TOP1: variants seen among roughly 807,000 people sequenced by gnomAD.
TOP1 encodes the protein DNA topoisomerase I.
Under a neutral mutation model 111.1 loss-of-function variants are expected in TOP1, and 10 were observed. That is an observed-to-expected ratio of 0.09 (90% CI 0.06 to 0.15). TOP1 has a LOEUF of 0.15. Ranked by LOEUF, TOP1 falls within the 10% of genes least tolerant of loss-of-function variation. The pLI, the probability that TOP1 is intolerant of heterozygous loss-of-function variation, is 1.00. For missense variants in TOP1, 474 were observed against 926.7 expected (o/e 0.51, Z 6.34); for synonymous variants, 271 against 302.9 (o/e 0.89, Z 1.10).
rs778237366 is a variant in TOP1, at chr20:41,076,281, G to A, written c.266G>A (p.Arg89Gln). 10 of 1,608,736 alleles carry A rather than the reference G, an allele frequency of 6.2e-6. No individual in the cohort carries two copies. Among genetic ancestry groups the A allele is most frequent in the Non-Finnish European group, 7.6e-6 (9 of 1,178,084 alleles). The change falls in exon 4 of 21, where the codon CGA becomes CAA. Residue 89 changes from arginine to glutamine, a missense_variant. Physicochemically the swap from Arg to Gln is conservative, Grantham distance 43. Around this residue, in one of 14 missense-constraint regions of TOP1, gnomAD observed 185 missense variants for 226.3 expected, o/e 0.82. Coordinates refer to ENST00000361337, the MANE Select transcript of TOP1 (RefSeq NM_003286.4). ...DKHKDRDKEK[R>Q]KEEKVRASGD... ...CATAAAGACAGAGACAAGGAAAAACGAAAAGAGGAAAAGGTACAGAGTTTT... is the reference window on the plus strand; with the variant it reads ...CATAAAGACAGAGACAAGGAAAAACAAAAAGAGGAAAAGGTACAGAGTTTT...
rs2033338205 is a variant in TOP1 at position 41,046,648 on chromosome 20, G to A, written c.59-14746G>A. Reference sequence around the variant, plus strand: ...CTTGTGCTTGGACCCAGTTGTTCCAGAAATCAGTAAAACCTATTTGAGTAT... The same window carrying A: ...CTTGTGCTTGGACCCAGTTGTTCCAAAAATCAGTAAAACCTATTTGAGTAT... On this transcript the variant is annotated intron_variant, in intron 2 of 20. Coordinates refer to ENST00000361337, the MANE Select transcript of TOP1 (RefSeq NM_003286.4). The surrounding 1 kb of genome is among the most constrained non-coding windows in gnomAD (Gnocchi z 4.3). Among the ~76,000 whole-genome samples, 1 of 152,196 alleles carries A rather than the reference G, an allele frequency of 6.6e-6. No individual in the cohort carries two copies. Among genetic ancestry groups the A allele is most frequent in the Non-Finnish European group, 1.5e-5 (1 of 68,034 alleles).
chr20:41,122,729 G>C lies in TOP1; in HGVS notation c.2196-466G>C, dbSNP rs772274854. ...CTGTTAAGTTCTGAGCATAGGTGGA[G>C]ATATCCTCCCCTATGGCACTTGCTA... is the stretch of plus-strand genomic sequence containing the variant. On this transcript the variant is annotated intron_variant, in intron 20 of 20. Transcript: ENST00000361337. This position sits in a 1 kb window ranked among gnomAD's most constrained non-coding sequence, Gnocchi z 5.4. Among the ~76,000 whole-genome samples the C allele has an allele frequency of 6.6e-6, 1 of 152,226 alleles. No homozygotes were observed. The highest frequency in any genetic ancestry group is 2.4e-5 in the African/African-American group (1 of 41,458).
chr20:41,063,659 T>C (rs2145928180), intron 3 of TOP1, among the ~76,000 whole-genome samples: 1 of 152,316 alleles, frequency 6.6e-6, no homozygotes, highest in Non-Finnish European at 1.5e-5. Flanking sequence ...TATCTCATTG[T>C]GGTTTTGATT....
intron 3 of TOP1, among the ~76,000 whole-genome samples, chr20:41,066,524 T>C (rs2033608551): frequency 6.6e-6 from 1 of 151,958 alleles, no homozygotes; most frequent in Non-Finnish European, 1.5e-5. Flanking sequence ...ATTCAATAAT[T>C]TGTTGTATGT....
At chr20:41,107,049 T>A (rs1248151227) in intron 13 of TOP1, among the ~76,000 whole-genome samples, 1 of 152,184 alleles carries the variant, frequency 6.6e-6, no homozygotes, top group African/African-American at 2.4e-5. Context: ...AATACACCCT[T>A]TAATGTTTCT....
chr20:41,098,467 G>A lies in TOP1; in HGVS notation c.975+130G>A, dbSNP rs146745787. 827 of 1,059,624 alleles carry A rather than the reference G, an allele frequency of 7.8e-4. 3 individuals are homozygous for A. The highest frequency in any genetic ancestry group is 6.8e-3 in the African/African-American group (419 of 61,776). The allele number at this position is 1,059,624 out of a possible 1,614,324, so 65.6% of individuals were successfully genotyped here. ...CATCATTCTATGCTAAAGACTTAGA[G>A]TTCTCAAAGTCTAAATTTTCTTAAA... On this transcript the variant is annotated intron_variant, in intron 11 of 20. Coordinates refer to ENST00000361337, the MANE Select transcript of TOP1 (RefSeq NM_003286.4). This position sits in a 1 kb window ranked among gnomAD's most constrained non-coding sequence, Gnocchi z 5.7.
rs1360187457 is a variant in TOP1, at chr20:41,046,329, G to A, written c.59-15065G>A. ...CTCAAGGCTATATAGTTATAACTAA[G>A]CCACAGAGCAGGGAGGCTAATCTAG... On this transcript the variant is annotated intron_variant, in intron 2 of 20. Coordinates refer to ENST00000361337, the MANE Select transcript of TOP1 (RefSeq NM_003286.4). The surrounding 1 kb of genome is among the most constrained non-coding windows in gnomAD (Gnocchi z 4.3). 1.3e-5 allele frequency among the ~76,000 whole-genome samples: 2 copies of A among 152,172 alleles called. No homozygotes were observed. The highest frequency in any genetic ancestry group is 2.9e-5 in the Non-Finnish European group (2 of 68,022).
In TOP1 at chr20:41,061,279, A is replaced by G; in HGVS notation, c.59-115A>G. On this transcript the variant is annotated intron_variant, in intron 2 of 20. Transcript: ENST00000361337. This position sits in a 1 kb window ranked among gnomAD's most constrained non-coding sequence, Gnocchi z 4.6. ...TTTTTTTTCAGTGGCATGTGCTATT[A>G]TGCCTACCATGCCATTTGAATCCTG... is the stretch of plus-strand genomic sequence containing the variant. 7 of 962,986 alleles carry G rather than the reference A, an allele frequency of 7.3e-6. No homozygotes were observed. Among genetic ancestry groups the G allele is most frequent in the Non-Finnish European group, 1.1e-5 (7 of 641,840 alleles). The allele number at this position is 962,986 out of a possible 1,614,324, so 59.7% of individuals were successfully genotyped here. A position where few individuals can be genotyped will look rare whatever the true frequency, so the allele number is the denominator to read the frequency against.
At position 41,098,134 on chromosome 20, in the gene TOP1, G is replaced by A; in HGVS notation, c.853-81G>A. On this transcript the variant is annotated intron_variant, in intron 10 of 20. Coordinates refer to ENST00000361337, the MANE Select transcript of TOP1 (RefSeq NM_003286.4). The surrounding 1 kb of genome is among the most constrained non-coding windows in gnomAD (Gnocchi z 5.7). Reference sequence around the variant, plus strand: ...CCTTTGACTGAAAAAATGGTGCTTGGGTGTATTTGCAAAGAAACCCAAGGA... The same window carrying A: ...CCTTTGACTGAAAAAATGGTGCTTGAGTGTATTTGCAAAGAAACCCAAGGA... The A allele has an allele frequency of 2.8e-6, 4 of 1,450,366 alleles. No homozygotes were observed. Among genetic ancestry groups the A allele is most frequent in the Non-Finnish European group, 3.9e-6 (4 of 1,036,100 alleles). The allele number at this position is 1,450,366 out of a possible 1,614,324, so 89.8% of individuals were successfully genotyped here.
intron 2 of TOP1, among the ~76,000 whole-genome samples, chr20:41,045,517 G>A (rs1223393612): frequency 6.6e-6 from 1 of 152,174 alleles, no homozygotes; most frequent in African/African-American, 2.4e-5. Flanking sequence ...TTTGGATGAA[G>A]TAAGTTCTCA....
At chr20:41,059,161 C>T (rs1043518906) in intron 2 of TOP1, among the ~76,000 whole-genome samples, 1 of 151,674 alleles carries the variant, frequency 6.6e-6, no homozygotes, top group Non-Finnish European at 1.5e-5. Flanking sequence ...GATACAGGGG[C>T]CTTTTGGAGG....
At chr20:41,050,297 C>T (rs1458715571) in intron 2 of TOP1, among the ~76,000 whole-genome samples, 1 of 152,202 alleles carries the variant, frequency 6.6e-6, no homozygotes, top group African/African-American at 2.4e-5. Context: ...GGATTACAGG[C>T]ATGAGCCACT....
At chr20:41,057,532 C>T (rs935818388) in intron 2 of TOP1, among the ~76,000 whole-genome samples, 1 of 151,968 alleles carries the variant, frequency 6.6e-6, no homozygotes, top group Non-Finnish European at 1.5e-5. Flanking sequence ...TAGTATTTGT[C>T]AAGATAAATT....
intron 5 of TOP1, 104 bp downstream of exon 5, chr20:41,077,741 GC>G: frequency 9.3e-7 from 1 of 1,074,996 alleles, no homozygotes; most frequent in Non-Finnish European, 1.4e-6. Flanking sequence ...CACTGACCTG[GC>G]CATCTTGATG....
rs1442657647 is a variant in TOP1 at position 41,095,158 on chromosome 20, T to C, written c.731-2062T>C. ...CCTCCACCTCCAAGGTTCAAACGATTCTCATGCCTCAGCCTCCCAAGTAGC... is the reference window on the plus strand; with the variant it reads ...CCTCCACCTCCAAGGTTCAAACGATCCTCATGCCTCAGCCTCCCAAGTAGC... On this transcript the variant is annotated intron_variant, in intron 9 of 20. Transcript: ENST00000361337. This position sits in a 1 kb window ranked among gnomAD's most constrained non-coding sequence, Gnocchi z 4.6. 1.3e-5 allele frequency among the ~76,000 whole-genome samples: 2 copies of C among 152,146 alleles called. No homozygotes were observed. The highest frequency in any genetic ancestry group is 2.9e-5 in the Non-Finnish European group (2 of 68,010).
At chr20:41,076,089 C>T in intron 3 of TOP1, 82 bp from the exon 4 acceptor site, 1 of 1,468,824 alleles carries the variant, frequency 6.8e-7, no homozygotes, top group Non-Finnish European at 9.2e-7. Flanking sequence ...TTCCACGGTT[C>T]ATGTTATCTT....
chr20:41,093,263 G>A (rs1455853598), intron 9 of TOP1, among the ~76,000 whole-genome samples: 2 of 152,188 alleles, frequency 1.3e-5, no homozygotes, highest in Non-Finnish European at 1.5e-5. Flanking sequence ...GTAGCAGTAT[G>A]TAGATGGTAA....
intron 3 of TOP1, chr20:41,072,537 T>C (rs1213195321): frequency 2.0e-6 from 2 of 985,348 alleles, no homozygotes; most frequent in Non-Finnish European, 2.4e-6. Flanking sequence ...GGCACAGCCC[T>C]GGACATGCTT....
In TOP1 at chr20:41,029,724, T is replaced by G. The variant is rs1469305623; in HGVS notation, c.58+269T>G. 2 of 543,858 alleles carry G rather than the reference T, an allele frequency of 3.7e-6. No individual in the cohort carries two copies. Among genetic ancestry groups the G allele is most frequent in the African/African-American group, 2.0e-5 (1 of 50,016 alleles). 33.7% of individuals were successfully genotyped at this position (543,858 alleles called of 1,614,324 possible). A position where few individuals can be genotyped will look rare whatever the true frequency, so the allele number is the denominator to read the frequency against. On this transcript the variant is annotated intron_variant, in intron 2 of 20. Coordinates refer to ENST00000361337, the MANE Select transcript of TOP1 (RefSeq NM_003286.4). The surrounding 1 kb of genome is among the most constrained non-coding windows in gnomAD (Gnocchi z 6.1). ...CTCGGGCGGTCTTTCCGGGCCGGGA[T>G]TCCTCCCGGGAAAGTCGCCTTGTCG...
Sources: gnomAD v4.1 joint callset for allele counts (sites outside exome capture counted in the v4.1 genomes callset) on GRCh38, gnomAD v4.1.1 for gene constraint, gnomAD v4.1.1 regional missense constraint, Gnocchi (gnomAD v3.1) non-coding constraint, MANE v1.5 for transcripts, NCBI Gene and HGNC (gene_info 2026-07-23, HGNC 2026-07-21) for gene names.